Variants in NPLOC4 observed in about 807,000 individuals in gnomAD.
NPLOC4 encodes the protein NPL4 homolog, ubiquitin recognition factor.
Under a neutral mutation model 80.6 loss-of-function variants are expected in NPLOC4, and 18 were observed. That is an observed-to-expected ratio of 0.22 (90% CI 0.15 to 0.33). The LOEUF (loss-of-function observed/expected upper bound fraction) is 0.33, where lower values mean the gene tolerates loss of function less well. Among genes scored for constraint, NPLOC4 ranks in the 10% least tolerant of loss-of-function variants. The pLI is 1.00. For synonymous variants in NPLOC4, 313 were observed against 301.5 expected (o/e 1.04, Z -0.39); for missense variants, 540 against 786.1 (o/e 0.69, Z 3.74).
intron 12 of NPLOC4, among the ~76,000 whole-genome samples, chr17:81,573,130 G>A (rs187507723): frequency 6.6e-6 from 1 of 152,182 alleles, no homozygotes; most frequent in African/African-American, 2.4e-5. Context: ...TAAAGATTCT[G>A]CAAGAGGGGA....
In NPLOC4 at chr17:81,610,207, CA is replaced by C; in HGVS notation, c.435+2del. Reference sequence around the variant, plus strand: ...CCAGAACTTACTCCGCAGAGACTCTCACCTCTAGAGGGACGCAGTGCACGCA... The same window carrying C: ...CCAGAACTTACTCCGCAGAGACTCTCCCTCTAGAGGGACGCAGTGCACGCA... On this transcript the variant is annotated splice_donor_variant, in intron 5 of 16. Coordinates refer to ENST00000331134, the MANE Select transcript of NPLOC4 (RefSeq NM_017921.4). LOFTEE classifies it high-confidence loss of function. The C allele has an allele frequency of 6.4e-7, 1 of 1,570,968 alleles. No individual in the cohort carries two copies. Among genetic ancestry groups the C allele is most frequent in the Non-Finnish European group, 8.6e-7 (1 of 1,158,642 alleles).
intron 1 of NPLOC4, among the ~76,000 whole-genome samples, chr17:81,635,208 T>G (rs1322372469): frequency 5.3e-5 from 8 of 151,832 alleles, no homozygotes; most frequent in Non-Finnish European, 1.0e-4. Context: ...CCATGCGTGT[T>G]GGCGAGCACC....
At chr17:81,626,829 C>A (rs1420880115) in intron 2 of NPLOC4, among the ~76,000 whole-genome samples, 3 of 152,048 alleles carry the variant, frequency 2.0e-5, no homozygotes, top group Admixed American at 1.3e-4. Context: ...GTGGATCATA[C>A]CTGTAATCCC....
intron 3 of NPLOC4, among the ~76,000 whole-genome samples, chr17:81,616,045 G>A (rs747861645): frequency 2.6e-5 from 4 of 152,054 alleles, no homozygotes; most frequent in Non-Finnish European, 4.4e-5. Context: ...TGGGCCGGGC[G>A]TGGTGGCTCA....
intron 12 of NPLOC4, among the ~76,000 whole-genome samples, chr17:81,582,392 C>CTGTG (rs914043797): frequency 2.1e-4 from 32 of 152,318 alleles, no homozygotes; most frequent in African/African-American, 7.7e-4. Flanking sequence ...TAGCGGTGTT[C>CTGTG]TGTGTGTGTA....
chr17:81,628,989 C>T (rs542988386), intron 2 of NPLOC4, among the ~76,000 whole-genome samples: 2 of 151,282 alleles, frequency 1.3e-5, no homozygotes, highest in Non-Finnish European at 2.9e-5. Flanking sequence ...CATCATTCTC[C>T]TGCCTCAGCC....
chr17:81,625,141 C>G (rs2035764776), intron 2 of NPLOC4, among the ~76,000 whole-genome samples: 1 of 152,104 alleles, frequency 6.6e-6, no homozygotes, highest in South Asian at 2.1e-4. Flanking sequence ...AGCTGACGAG[C>G]AGGACCAGGG....
In NPLOC4 at chr17:81,593,768, C is replaced by T. The variant is rs570018846; in HGVS notation, c.1120+2348G>A. On this transcript the variant is annotated intron_variant, in intron 11 of 16. Transcript: ENST00000331134. ...CAGGCAGAATTCTAAATGACATGAGCGCCTTTGTTCTCTGCTCCCCTCCTG... is the reference window on the plus strand; with the variant it reads ...CAGGCAGAATTCTAAATGACATGAGTGCCTTTGTTCTCTGCTCCCCTCCTG... Among the ~76,000 whole-genome samples, 15 of 151,860 alleles carry T rather than the reference C, an allele frequency of 9.9e-5. No homozygotes were observed. In the East Asian group the frequency reaches 1.8e-3, roughly 18 times the overall value.
At chr17:81,571,855 T>C (rs375603233) in intron 13 of NPLOC4, among the ~76,000 whole-genome samples, 162 bp downstream of exon 13, 61 of 152,172 alleles carry the variant, frequency 4.0e-4, no homozygotes, top group African/African-American at 1.2e-3. Flanking sequence ...GCTCAGTGAT[T>C]CTACAACCAC....
At chr17:81,634,241 T>C (rs1255782797) in intron 1 of NPLOC4, among the ~76,000 whole-genome samples, 2 of 152,112 alleles carry the variant, frequency 1.3e-5, no homozygotes, top group Admixed American at 6.6e-5. Flanking sequence ...GACCTCATTA[T>C]TCACCTGCCT....
intron 12 of NPLOC4, among the ~76,000 whole-genome samples, chr17:81,586,076 G>C (rs548322568): frequency 6.6e-6 from 1 of 152,296 alleles, no homozygotes; most frequent in East Asian, 1.9e-4. Flanking sequence ...CTTGAGATCA[G>C]GAGTTCGAGA....
chr17:81,589,305 C>A (rs1287529376), intron 11 of NPLOC4, among the ~76,000 whole-genome samples: 1 of 151,868 alleles, frequency 6.6e-6, no homozygotes, highest in African/African-American at 2.4e-5. Flanking sequence ...CTGAGACAGG[C>A]GGATCACGAG....
At chr17:81,575,365 T>A (rs575314751) in intron 12 of NPLOC4, among the ~76,000 whole-genome samples, 89 of 152,342 alleles carry the variant, frequency 5.8e-4, no homozygotes, top group Non-Finnish European at 9.9e-4. Context: ...CCTCCCAAAG[T>A]GCTGGGACTA....
In NPLOC4 at chr17:81,573,966, C is replaced by T. The variant is rs371049924; in HGVS notation, c.1282-1878G>A. Among the ~76,000 whole-genome samples, 32 of 152,348 alleles carry T rather than the reference C, an allele frequency of 2.1e-4. 1 individual carries two copies. In the East Asian group the frequency reaches 5.4e-3, roughly 26 times the overall value. ...GGCTGCCAGTCAGGATGGGCTTCCG[C>T]ATTCTGCGCTCTGCTGGCTGTGATG... On this transcript the variant is annotated intron_variant, in intron 12 of 16. Transcript: ENST00000331134.
At chr17:81,606,642 C>A in intron 7 of NPLOC4, 49 bp downstream of exon 7, 3 of 1,586,840 alleles carry the variant, frequency 1.9e-6, no homozygotes, top group Non-Finnish European at 2.6e-6. Flanking sequence ...CTGGAAATAT[C>A]CGTTTCTCAG....
chr17:81,587,080 G>A (rs1180725310), intron 12 of NPLOC4, among the ~76,000 whole-genome samples: 1 of 152,214 alleles, frequency 6.6e-6, no homozygotes, highest in East Asian at 1.9e-4. Flanking sequence ...CATTGCAGCT[G>A]CAGACCCACA....
At chr17:81,565,372 A>G in intron 16 of NPLOC4, 133 bp downstream of exon 16, 1 of 806,134 alleles carries the variant, frequency 1.2e-6, no homozygotes, top group South Asian at 1.4e-5. Flanking sequence ...TACTCGTTGC[A>G]TTGCCGATGG....
rs1277521265 is a variant in NPLOC4 at position 81,567,177 on chromosome 17, GCAGA to G, written c.1566+236_1566+239del. ...TGAAACCGTACTTCCTCACAGAGGT[GCAGA>G]CACTCAATGGAAATGCTAAAGGTGA... is the stretch of plus-strand genomic sequence containing the variant. On this transcript the variant is annotated intron_variant, in intron 15 of 16. Coordinates refer to ENST00000331134, the MANE Select transcript of NPLOC4 (RefSeq NM_017921.4). The surrounding 1 kb of genome is among the most constrained non-coding windows in gnomAD (Gnocchi z 4.5). 6.6e-6 allele frequency among the ~76,000 whole-genome samples: 1 copy of G among 152,192 alleles called. No individual in the cohort carries two copies. The highest frequency in any genetic ancestry group is 1.5e-5 in the Non-Finnish European group (1 of 68,038).
chr17:81,624,601 A>G (rs2035750458), intron 2 of NPLOC4, among the ~76,000 whole-genome samples: 1 of 152,126 alleles, frequency 6.6e-6, no homozygotes, highest in African/African-American at 2.4e-5. Context: ...CCACCTCAAA[A>G]AAAGAAAAAC....
Sources: allele counts gnomAD v4.1 joint callset (sites outside exome capture counted in the v4.1 genomes callset), GRCh38; gene constraint gnomAD v4.1.1; non-coding constraint Gnocchi (gnomAD v3.1); transcripts MANE v1.5; gene names NCBI Gene and HGNC (gene_info 2026-07-23, HGNC 2026-07-21).